The following CDH13 variants were observed in gnomAD, a reference collection of about 807,000 sequenced individuals.
CDH13 encodes cadherin 13.
CDH13 carries 24 observed loss-of-function variants against 63.8 expected under a neutral mutation model. The observed-to-expected ratio is 0.38, with a 90% CI of 0.27 to 0.53. The LOEUF (loss-of-function observed/expected upper bound fraction) is 0.53. Ranked by LOEUF, CDH13 falls within the 20% of genes least tolerant of loss-of-function variation. The pLI, the probability that CDH13 is intolerant of heterozygous loss-of-function variation, is 0.85. For missense variants in CDH13, 1,049 were observed against 903.1 expected (o/e 1.16, Z -2.07); for synonymous variants, 503 against 355.3 (o/e 1.42, Z -4.67).
intron 3 of CDH13, among the ~76,000 whole-genome samples, chr16:83,075,833 T>G (rs984560393): frequency 6.6e-6 from 1 of 152,174 alleles, no homozygotes; most frequent in Non-Finnish European, 1.5e-5. Flanking sequence ...GGAGAGTTTG[T>G]GTTAGAAGTC....
chr16:82,769,927 C>T (rs1037437175), intron 1 of CDH13, among the ~76,000 whole-genome samples: 1 of 152,220 alleles, frequency 6.6e-6, no homozygotes, highest in Non-Finnish European at 1.5e-5. Flanking sequence ...CCCATGAATG[C>T]ATGGTGCATA....
chr16:83,004,543 C>T (rs968083989), intron 2 of CDH13, among the ~76,000 whole-genome samples: 6 of 152,084 alleles, frequency 3.9e-5, no homozygotes, highest in African/African-American at 1.4e-4. Context: ...CTCATTCTGT[C>T]ACCCAGGCTG....
intron 3 of CDH13, among the ~76,000 whole-genome samples, chr16:83,119,025 G>A (rs971573037): frequency 1.3e-5 from 2 of 152,098 alleles, no homozygotes; most frequent in Non-Finnish European, 2.9e-5. Context: ...AGTCCTCACT[G>A]TCCATGTAAT....
At chr16:83,414,939 A>G (rs1304555609) in intron 6 of CDH13, among the ~76,000 whole-genome samples, 1 of 152,134 alleles carries the variant, frequency 6.6e-6, no homozygotes, top group Non-Finnish European at 1.5e-5. Context: ...TTTTTGGACA[A>G]ATACCCAGAA....
intron 4 of CDH13, among the ~76,000 whole-genome samples, chr16:83,171,056 G>C (rs1046733506): frequency 1.2e-4 from 19 of 152,180 alleles, no homozygotes; most frequent in African/African-American, 4.6e-4. Context: ...AAATACCTGA[G>C]ACTGGGTAAT....
intron 6 of CDH13, among the ~76,000 whole-genome samples, chr16:83,378,837 A>G (rs2091503949): frequency 2.0e-5 from 3 of 152,186 alleles, no homozygotes; most frequent in East Asian, 1.9e-4. Context: ...ACACCCTAAA[A>G]TCATCATAGG....
intron 7 of CDH13, among the ~76,000 whole-genome samples, chr16:83,575,890 A>G (rs1330726804): frequency 6.6e-6 from 1 of 152,220 alleles, no homozygotes; most frequent in Non-Finnish European, 1.5e-5. Context: ...ACCCCCAGAA[A>G]CTAGCACATA....
chr16:83,589,616 C>A (rs970970719), intron 7 of CDH13, among the ~76,000 whole-genome samples: 3 of 151,940 alleles, frequency 2.0e-5, no homozygotes, highest in African/African-American at 7.3e-5. Context: ...ATAGAAGATA[C>A]GAGAGCTTCT....
chr16:82,661,172 C>A (rs902176813), intron 1 of CDH13, among the ~76,000 whole-genome samples: 1 of 152,192 alleles, frequency 6.6e-6, no homozygotes, highest in African/African-American at 2.4e-5. Context: ...GCAAACGGCT[C>A]ATTGTTTACG....
At chr16:83,727,038 A>G (rs1173587145) in intron 10 of CDH13, among the ~76,000 whole-genome samples, 2 of 152,192 alleles carry the variant, frequency 1.3e-5, no homozygotes, top group Non-Finnish European at 1.5e-5. Flanking sequence ...TAATTCACAT[A>G]CCGTACAATT....
chr16:83,204,031 A>G (rs903030588), intron 4 of CDH13, among the ~76,000 whole-genome samples: 7 of 152,220 alleles, frequency 4.6e-5, no homozygotes, highest in African/African-American at 2.4e-5. Context: ...CTGGAAATCG[A>G]GACTTTGAAG....
intron 11 of CDH13, among the ~76,000 whole-genome samples, chr16:83,779,542 G>A (rs1314418743): frequency 6.6e-6 from 1 of 151,452 alleles, no homozygotes; most frequent in African/African-American, 2.4e-5. Context: ...TGAGAAATGG[G>A]CTGGGCATGG....
rs546213899 is a variant in CDH13 at position 82,988,592 on chromosome 16, T to A, written c.158-43418T>A. ...GCCTGGCCAACATGGTGAAACCCCG[T>A]CTCTACAAAAATACAAAAATTAGCT... is the stretch of plus-strand genomic sequence containing the variant. On this transcript the variant is annotated intron_variant, in intron 2 of 13. Transcript: ENST00000567109. Among the ~76,000 whole-genome samples, 10 of 151,892 alleles carry A rather than the reference T, an allele frequency of 6.6e-5. No individual in the cohort carries two copies. In the East Asian group the frequency reaches 1.9e-3, roughly 29 times the overall value.
intron 1 of CDH13, among the ~76,000 whole-genome samples, chr16:82,811,308 C>T (rs1413024993): frequency 6.6e-6 from 1 of 152,094 alleles, no homozygotes; most frequent in African/African-American, 2.4e-5. Flanking sequence ...TCTCAAAAGT[C>T]AGCTGTTAAA....
At chr16:83,467,845 G>A (rs1203001159) in intron 6 of CDH13, among the ~76,000 whole-genome samples, 1 of 152,162 alleles carries the variant, frequency 6.6e-6, no homozygotes. Context: ...GGGGTCCGAT[G>A]TGCACACTGG....
chr16:83,653,196 G>C (rs929469805), intron 8 of CDH13, among the ~76,000 whole-genome samples: 2 of 152,116 alleles, frequency 1.3e-5, no homozygotes, highest in Non-Finnish European at 2.9e-5. Flanking sequence ...GCTTCTGTTC[G>C]AGGTGTTAAA....
chr16:83,005,010 C>G (rs532189130), intron 2 of CDH13, among the ~76,000 whole-genome samples: 2 of 152,304 alleles, frequency 1.3e-5, no homozygotes, highest in South Asian at 4.1e-4. Flanking sequence ...AGGACATTGA[C>G]TAGAAGTTTC....
intron 6 of CDH13, among the ~76,000 whole-genome samples, chr16:83,402,973 G>A (rs1489997006): frequency 2.0e-5 from 3 of 152,008 alleles, no homozygotes; most frequent in Non-Finnish European, 4.4e-5. Context: ...CCTTCAGGAG[G>A]ACGCTGCTTC....
intron 2 of CDH13, chr16:82,884,408 T>C (rs2040812311): frequency 3.0e-6 from 1 of 332,694 alleles, no homozygotes; most frequent in South Asian, 2.5e-5. Flanking sequence ...CCTTCTGTTG[T>C]CTGTTGCAGT....
Sources: gnomAD v4.1 joint callset for allele counts (sites outside exome capture counted in the v4.1 genomes callset) on GRCh38, gnomAD v4.1.1 for gene constraint, MANE v1.5 for transcripts, NCBI Gene and HGNC (gene_info 2026-07-23, HGNC 2026-07-21) for gene names.